LARGE1: variants seen among roughly 807,000 people sequenced by gnomAD.
The protein encoded by LARGE1 is xylosyl- and glucuronyltransferase LARGE1.
A neutral mutation model predicts 87.6 loss-of-function variants in LARGE1; 43 were observed. The observed-to-expected ratio is 0.49, with a 90% CI of 0.38 to 0.63. The LOEUF (loss-of-function observed/expected upper bound fraction) is 0.63, where lower values mean the gene tolerates loss of function less well. Ranked by LOEUF, LARGE1 falls within the 30% of genes least tolerant of loss-of-function variation. LARGE1 has a pLI of 0.00. For synonymous variants in LARGE1, 434 were observed against 394.6 expected (o/e 1.10, Z -1.18); for missense variants, 802 against 1,000.2 (o/e 0.80, Z 2.67).
At chr22:33,469,096 A>G (rs968021178) in intron 6 of LARGE1, among the ~76,000 whole-genome samples, 6 of 152,222 alleles carry the variant, frequency 3.9e-5, no homozygotes, top group Admixed American at 1.3e-4. Flanking sequence ...TAGGAATGTA[A>G]ATTAGTTCAG....
intron 9 of LARGE1, among the ~76,000 whole-genome samples, chr22:33,367,555 G>C (rs752471248): frequency 5.3e-5 from 8 of 152,004 alleles, no homozygotes; most frequent in Non-Finnish European, 1.2e-4. Context: ...ACTGGGACTT[G>C]AGTAGCTACC....
intron 1 of LARGE1, among the ~76,000 whole-genome samples, chr22:33,774,896 T>C (rs2085185207): frequency 1.3e-5 from 2 of 152,192 alleles, no homozygotes; most frequent in South Asian, 4.1e-4. Context: ...GTTTCAGTAT[T>C]TTCTAAACCT....
At chr22:33,891,913 T>C (rs2065016351) in intron 1 of LARGE1, among the ~76,000 whole-genome samples, 2 of 152,198 alleles carry the variant, frequency 1.3e-5, no homozygotes, top group African/African-American at 4.8e-5. Context: ...CCTAGTCTGA[T>C]AGGATCCTAG....
chr22:33,714,409 C>T (rs2082850971), intron 2 of LARGE1, among the ~76,000 whole-genome samples: 1 of 152,136 alleles, frequency 6.6e-6, no homozygotes, highest in South Asian at 2.1e-4. Flanking sequence ...AGCCTGAGGC[C>T]TCATCTGTAA....
intron 10 of LARGE1, among the ~76,000 whole-genome samples, chr22:33,319,879 G>T (rs1459838695): frequency 1.3e-5 from 2 of 152,186 alleles, no homozygotes; most frequent in African/African-American, 2.4e-5. Flanking sequence ...AGACAGCCCT[G>T]TGATGCTCCA....
chr22:33,080,064 C>T, the LARGE1 span, among the ~76,000 whole-genome samples: 1 of 152,156 alleles, frequency 6.6e-6, no homozygotes, highest in Non-Finnish European at 1.5e-5. Flanking sequence ...CCCTCTTCCT[C>T]TCAAATGTTC....
rs150250268 is a variant in LARGE1, at chr22:33,607,335, C to G, written c.492-2777G>C. ...AATTAGCCAGGCGTGGTGGCAGATG[C>G]CTGTAATTCCAGCTACTTGGGAGGT... On this transcript the variant is annotated intron_variant, in intron 4 of 14. Transcript: ENST00000397394. 3.7e-3 allele frequency among the ~76,000 whole-genome samples: 563 copies of G among 152,050 alleles called. 5 individuals carry two copies. The highest frequency in any genetic ancestry group is 0.013 in the African/African-American group (526 of 41,458).
chr22:33,572,125 G>A lies in LARGE1; in HGVS notation c.616-7106C>T, dbSNP rs753655632. On this transcript the variant is annotated intron_variant, in intron 5 of 14. Transcript: ENST00000397394. Reference sequence around the variant, plus strand: ...CTCTGCCATACTGGAAATATTTTTTGCTCAAAATAGATTGCTTACCCATAT... The same window carrying A: ...CTCTGCCATACTGGAAATATTTTTTACTCAAAATAGATTGCTTACCCATAT... 3 of 917,016 alleles carry A rather than the reference G, an allele frequency of 3.3e-6. No individual in the cohort carries two copies. The African/African-American group carries it at 5.2e-5, about 16-fold the overall frequency. 56.8% of individuals were successfully genotyped at this position (917,016 alleles called of 1,614,324 possible). A position where few individuals can be genotyped will look rare whatever the true frequency, so the allele number is the denominator to read the frequency against.
intron 4 of LARGE1, among the ~76,000 whole-genome samples, chr22:33,618,067 AAAAG>A (rs1278716067): frequency 1.3e-5 from 2 of 152,220 alleles, no homozygotes; most frequent in Admixed American, 1.3e-4. Flanking sequence ...CAAACTTAGG[AAAAG>A]AAAGCGCGTG....
the LARGE1 span, among the ~76,000 whole-genome samples, chr22:33,084,864 TAAC>T: frequency 6.6e-6 from 1 of 152,240 alleles, no homozygotes; most frequent in African/African-American, 2.4e-5. Context: ...CTTTTTATTA[TAAC>T]AACATCCTCA....
chr22:33,205,264 T>G (rs193158656), intron 11 of LARGE1, among the ~76,000 whole-genome samples: 45 of 152,226 alleles, frequency 3.0e-4, no homozygotes, highest in Non-Finnish European at 5.4e-4. Context: ...GATCATGCAC[T>G]AAAAAAATAA....
rs1569060158 is a variant in LARGE1 at position 33,327,981 on chromosome 22, AT to A, written c.1287+9664del. On this transcript the variant is annotated intron_variant, in intron 10 of 14. Coordinates refer to ENST00000397394, the MANE Select transcript of LARGE1 (RefSeq NM_133642.5). ...TGGTGCCAGGCACTCTTTAATGAAG[AT>A]GTACTGATGAATAAAACAGATAAAA... is the stretch of plus-strand genomic sequence containing the variant. Among the ~76,000 whole-genome samples, 4 of 90,620 alleles carry A rather than the reference AT, an allele frequency of 4.4e-5. 1 individual carries two copies. In the East Asian group the frequency reaches 5.5e-3, roughly 126 times the overall value. 59.5% of individuals were successfully genotyped at this position (90,620 alleles called of 152,430 possible).
At chr22:33,619,949 C>T (rs145291138) in intron 4 of LARGE1, among the ~76,000 whole-genome samples, 71 of 152,246 alleles carry the variant, frequency 4.7e-4, no homozygotes, top group African/African-American at 1.6e-3. Flanking sequence ...GCCAAAGCTC[C>T]AAGATGTAGA....
At chr22:33,411,766 G>A (rs542614823) in intron 7 of LARGE1, among the ~76,000 whole-genome samples, 2 of 152,148 alleles carry the variant, frequency 1.3e-5, no homozygotes, top group African/African-American at 4.8e-5. Flanking sequence ...TGGAATAAAC[G>A]AATTATAGCA....
intron 1 of LARGE1, among the ~76,000 whole-genome samples, chr22:33,824,573 A>G (rs910326962): frequency 2.4e-4 from 37 of 152,166 alleles, no homozygotes; most frequent in Admixed American, 2.4e-3. Flanking sequence ...AAACCATATC[A>G]CTTACACACT....
intron 1 of LARGE1, among the ~76,000 whole-genome samples, chr22:33,859,523 GT>G (rs1181660868): frequency 6.6e-6 from 1 of 152,220 alleles, no homozygotes; most frequent in Non-Finnish European, 1.5e-5. Flanking sequence ...GCCCAAAGCA[GT>G]TTCAGGCTTA....
At chr22:33,560,542 G>A (rs949023488) in intron 6 of LARGE1, among the ~76,000 whole-genome samples, 1 of 152,192 alleles carries the variant, frequency 6.6e-6, no homozygotes, top group African/African-American at 2.4e-5. Context: ...CAGATTATGG[G>A]TGTGTATTTA....
At chr22:33,498,559 G>C (rs1003482832) in intron 6 of LARGE1, among the ~76,000 whole-genome samples, 1 of 152,194 alleles carries the variant, frequency 6.6e-6, no homozygotes, top group African/African-American at 2.4e-5. Flanking sequence ...CTAAGGGTTG[G>C]CATATCTTTC....
intron 1 of LARGE1, among the ~76,000 whole-genome samples, chr22:33,777,034 A>G (rs1169753029): frequency 6.6e-6 from 1 of 152,160 alleles, no homozygotes; most frequent in African/African-American, 2.4e-5. Context: ...AAACATGAAC[A>G]TAAGTTGGGA....
Sources: gnomAD v4.1 joint callset for allele counts (sites outside exome capture counted in the v4.1 genomes callset) on GRCh38, gnomAD v4.1.1 for gene constraint, MANE v1.5 for transcripts, NCBI Gene and HGNC (gene_info 2026-07-23, HGNC 2026-07-21) for gene names.